The following RAP1GDS1 variants were observed in gnomAD, a reference collection of about 807,000 sequenced individuals.
The protein encoded by RAP1GDS1 is RAP1, GTP-GDP dissociation stimulator 1.
Under a neutral mutation model 71.1 loss-of-function variants are expected in RAP1GDS1, and 35 were observed. The observed-to-expected ratio is 0.49, with a 90% CI of 0.38 to 0.65. The LOEUF (loss-of-function observed/expected upper bound fraction) is 0.65. Ranked by LOEUF, RAP1GDS1 falls within the 30% of genes least tolerant of loss-of-function variation. The pLI is 0.00. For missense variants in RAP1GDS1, 663 were observed against 706.1 expected (o/e 0.94, Z 0.69); for synonymous variants, 229 against 243.1 (o/e 0.94, Z 0.54).
intron 2 of RAP1GDS1, among the ~76,000 whole-genome samples, chr4:98,314,926 C>T (rs905637680): frequency 1.3e-5 from 2 of 151,958 alleles, no homozygotes; most frequent in African/African-American, 2.4e-5. Flanking sequence ...TTGGATAATA[C>T]CAGTCATCTA....
intron 14 of RAP1GDS1, chr4:98,441,620 G>A (rs1187928223): frequency 1.0e-6 from 1 of 984,268 alleles, no homozygotes; most frequent in Non-Finnish European, 1.2e-6. Context: ...AATTGGGCAA[G>A]TAGCTGTGCA....
chr4:98,361,262 T>C (rs1205875721), intron 4 of RAP1GDS1, among the ~76,000 whole-genome samples: 1 of 151,804 alleles, frequency 6.6e-6, no homozygotes, highest in Non-Finnish European at 1.5e-5. Context: ...AAGTATGAAA[T>C]AGTTTGGTAC....
intron 6 of RAP1GDS1, among the ~76,000 whole-genome samples, chr4:98,400,070 T>G (rs747603683): frequency 6.6e-6 from 1 of 151,978 alleles, no homozygotes; most frequent in Non-Finnish European, 1.5e-5. Context: ...GGAGGATCGC[T>G]TCAGCACAGG....
chr4:98,281,534 T>C (rs957502464), intron 1 of RAP1GDS1, among the ~76,000 whole-genome samples: 4 of 152,186 alleles, frequency 2.6e-5, no homozygotes, highest in Admixed American at 2.6e-4. Context: ...TTTCTAAATA[T>C]ACAATCATGT....
chr4:98,433,005 G>A lies in RAP1GDS1; in HGVS notation c.1441-931G>A, dbSNP rs947128974. Among the ~76,000 whole-genome samples, 22 of 152,016 alleles carry A rather than the reference G, an allele frequency of 1.4e-4. 1 individual carries two copies. The highest frequency in any genetic ancestry group is 1.3e-3 in the Admixed American group (20 of 15,264). On this transcript the variant is annotated intron_variant, in intron 12 of 14. Transcript: ENST00000408927. ...TATACTTACATCATTCCAGTGACAT[G>A]GAGATAGTACTGAGGTAAGAGAGGT...
chr4:98,300,109 A>G (rs1728354621), intron 2 of RAP1GDS1, among the ~76,000 whole-genome samples: 1 of 152,172 alleles, frequency 6.6e-6, no homozygotes, highest in South Asian at 2.1e-4. Context: ...TGCTACGGGT[A>G]TCTTTTGTGA....
chr4:98,423,217 C>G (rs10001086), intron 12 of RAP1GDS1, among the ~76,000 whole-genome samples: 21,357 of 151,992 alleles, frequency 0.14, 2,176 homozygotes, highest in African/African-American at 0.28. Flanking sequence ...CTATTTTAGG[C>G]GTTAACTAGG....
chr4:98,338,240 G>C (rs58408865), intron 2 of RAP1GDS1, among the ~76,000 whole-genome samples: 1,898 of 152,172 alleles, frequency 0.012, 41 homozygotes, highest in African/African-American at 0.044. Context: ...GGCTTAAATG[G>C]GTTTCCTACC....
intron 12 of RAP1GDS1, among the ~76,000 whole-genome samples, chr4:98,421,982 G>A (rs1477099007): frequency 2.0e-5 from 3 of 151,878 alleles, no homozygotes; most frequent in African/African-American, 7.2e-5. Flanking sequence ...CAGATCATGA[G>A]GTCAGGAGAT....
chr4:98,385,363 A>T (rs1375910796), intron 5 of RAP1GDS1, among the ~76,000 whole-genome samples: 1 of 151,832 alleles, frequency 6.6e-6, no homozygotes, highest in Non-Finnish European at 1.5e-5. Context: ...GCACATAATC[A>T]TTGATCATGC....
chr4:98,302,220 C>G (rs1728671943), intron 2 of RAP1GDS1, among the ~76,000 whole-genome samples: 1 of 152,052 alleles, frequency 6.6e-6, no homozygotes, highest in Admixed American at 6.6e-5. Context: ...TTAAATAAGC[C>G]TTTGCAGATA....
At chr4:98,373,025 A>G (rs560036344) in intron 4 of RAP1GDS1, among the ~76,000 whole-genome samples, 1 of 152,360 alleles carries the variant, frequency 6.6e-6, no homozygotes, top group South Asian at 2.1e-4. Context: ...TCTTTTAAAA[A>G]TAGGAGAAAA....
rs144635903 is a variant in RAP1GDS1, at chr4:98,313,873, T to G, written c.112+20358T>G. On this transcript the variant is annotated intron_variant, in intron 2 of 14. Coordinates refer to ENST00000408927, the MANE Select transcript of RAP1GDS1 (RefSeq NM_001100427.2). Reference sequence around the variant, plus strand: ...AGAAAAAGTAAGAATCACGATCATGTCCTACTTTTTAATATTCATTGAAAT... The same window carrying G: ...AGAAAAAGTAAGAATCACGATCATGGCCTACTTTTTAATATTCATTGAAAT... Among the ~76,000 whole-genome samples, 771 of 152,200 alleles carry G rather than the reference T, an allele frequency of 5.1e-3. 4 individuals are homozygous for G. Among genetic ancestry groups the G allele is most frequent in the Middle Eastern group, 0.037 (11 of 294 alleles).
chr4:98,391,865 G>C (rs1743729819), intron 5 of RAP1GDS1, 87 bp from the exon 6 acceptor site: 2 of 1,255,302 alleles, frequency 1.6e-6, no homozygotes, highest in Non-Finnish European at 2.1e-6. Flanking sequence ...TTCCAATAGG[G>C]AAAATAAGAG....
intron 5 of RAP1GDS1, among the ~76,000 whole-genome samples, chr4:98,383,395 A>T (rs2110111827): frequency 6.6e-6 from 1 of 151,632 alleles, no homozygotes; most frequent in South Asian, 2.1e-4. Flanking sequence ...TCTGACCTAT[A>T]TTTTATATAT....
chr4:98,356,652 C>T lies in RAP1GDS1; in HGVS notation c.361+4051C>T, dbSNP rs1176179036. Among the ~76,000 whole-genome samples, 5 of 151,900 alleles carry T rather than the reference C, an allele frequency of 3.3e-5. 1 individual carries two copies. Among genetic ancestry groups the T allele is most frequent in the Admixed American group, 6.6e-5 (1 of 15,252 alleles). The stretch of plus-strand genomic sequence containing the variant: ...ATGTTTTAAAATTAAACAAATATAC[C>T]TCTTTATAGAAATAAAATGTATGCT... On this transcript the variant is annotated intron_variant, in intron 4 of 14. Transcript: ENST00000408927.
intron 1 of RAP1GDS1, among the ~76,000 whole-genome samples, chr4:98,287,666 G>A (rs1403843264): frequency 6.6e-6 from 1 of 152,142 alleles, no homozygotes; most frequent in African/African-American, 2.4e-5. Context: ...AAATAGAATA[G>A]TTTTTAGCTC....
intron 4 of RAP1GDS1, among the ~76,000 whole-genome samples, chr4:98,370,292 G>C (rs1043058406): frequency 1.3e-5 from 2 of 152,050 alleles, no homozygotes; most frequent in South Asian, 4.1e-4. Context: ...TTTAAAATAA[G>C]GAAATTTTAC....
chr4:98,322,085 C>A, intron 2 of RAP1GDS1, among the ~76,000 whole-genome samples: 1 of 87,508 alleles, frequency 1.1e-5, no homozygotes. Flanking sequence ...ATCTACCAAG[C>A]AAATGGAAAA....
Sources: gnomAD v4.1 joint callset for allele counts (sites outside exome capture counted in the v4.1 genomes callset) on GRCh38, gnomAD v4.1.1 for gene constraint, MANE v1.5 for transcripts, NCBI Gene and HGNC (gene_info 2026-07-23, HGNC 2026-07-21) for gene names.